The following FANK1 variants were observed in gnomAD, a reference collection of about 807,000 sequenced individuals.
FANK1 encodes the protein fibronectin type 3 and ankyrin repeat domains protein 1.
In FANK1, 44 loss-of-function variants were observed where a neutral mutation model predicts 45.3. The ratio of observed to expected loss-of-function variants is 0.97; its 90% CI spans 0.76 to 1.25. The LOEUF is 1.25. Ranked by LOEUF, FANK1 falls within the 50% of genes most tolerant of loss-of-function variation. The pLI, the probability that FANK1 is intolerant of heterozygous loss-of-function variation, is 0.00. For missense variants in FANK1, 391 were observed against 424.4 expected (o/e 0.92, Z 0.69); for synonymous variants, 149 against 152.5 (o/e 0.98, Z 0.17).
chr10:125,959,979 C>G (rs1949818657), intron 1 of FANK1, among the ~76,000 whole-genome samples: 1 of 152,120 alleles, frequency 6.6e-6, no homozygotes, highest in Admixed American at 6.5e-5. Flanking sequence ...AAAACCCATA[C>G]TGTTATTATT....
intron 6 of FANK1, among the ~76,000 whole-genome samples, chr10:126,002,267 G>A (rs1952822760): frequency 6.6e-6 from 1 of 152,110 alleles, no homozygotes; most frequent in African/African-American, 2.4e-5. Flanking sequence ...AGCCAAGATT[G>A]TGCCAGTGCA....
intron 6 of FANK1, among the ~76,000 whole-genome samples, chr10:126,003,400 TA>T (rs950677283): frequency 1.1e-4 from 16 of 151,496 alleles, no homozygotes; most frequent in Admixed American, 3.9e-4. Flanking sequence ...TTTTAAGAAT[TA>T]AAAAAAAATT....
intron 1 of FANK1, among the ~76,000 whole-genome samples, chr10:125,950,908 C>G (rs972229555): frequency 6.6e-6 from 1 of 150,794 alleles, no homozygotes; most frequent in Non-Finnish European, 1.5e-5. Context: ...GAATACTATG[C>G]AGCCATAAAA....
chr10:125,907,906 T>C lies in FANK1; in HGVS notation c.13+11251T>C, dbSNP rs185621419. Among the ~76,000 whole-genome samples, 581 of 152,232 alleles carry C rather than the reference T, an allele frequency of 3.8e-3. 5 individuals are homozygous for C. The highest frequency in any genetic ancestry group is 0.017 in the Middle Eastern group (5 of 290). On this transcript the variant is annotated intron_variant, in intron 1 of 10. Coordinates refer to ENST00000368693, the MANE Select transcript of FANK1 (RefSeq NM_145235.5). The stretch of plus-strand genomic sequence containing the variant: ...CTCAGCTGACACCTTGCCTGCAACC[T>C]TGTGAGAGCCTATGCAGTGAACCCA...
intron 1 of FANK1, among the ~76,000 whole-genome samples, chr10:125,898,015 A>AG (rs1944709768): frequency 7.5e-6 from 1 of 133,708 alleles, no homozygotes; most frequent in Non-Finnish European, 1.6e-5. Context: ...AAAAAAAAAA[A>AG]AAAAAAAAAA....
chr10:126,005,264 C>T (rs1953096576), intron 7 of FANK1, among the ~76,000 whole-genome samples: 1 of 151,146 alleles, frequency 6.6e-6, no homozygotes, highest in South Asian at 2.1e-4. Context: ...GGAAAAGAAA[C>T]AGGTCTGAAT....
chr10:125,953,051 A>G (rs768300455), intron 1 of FANK1, among the ~76,000 whole-genome samples: 11 of 152,192 alleles, frequency 7.2e-5, no homozygotes, highest in Non-Finnish European at 1.5e-4. Context: ...TTGCATGTGC[A>G]TTGGAATGAC....
intron 1 of FANK1, among the ~76,000 whole-genome samples, chr10:125,936,822 C>T (rs1948130916): frequency 6.6e-6 from 1 of 152,080 alleles, no homozygotes; most frequent in African/African-American, 2.4e-5. Flanking sequence ...AATCCGAGCA[C>T]TTAGGGAGGC....
intron 1 of FANK1, among the ~76,000 whole-genome samples, chr10:125,967,214 T>C (rs1950241779): frequency 6.6e-6 from 1 of 152,224 alleles, no homozygotes. Context: ...CATAGGGCAG[T>C]AGTAGATAGC....
chr10:126,008,807 C>T (rs1229476052), intron 8 of FANK1, among the ~76,000 whole-genome samples: 1 of 152,186 alleles, frequency 6.6e-6, no homozygotes, highest in Middle Eastern at 3.2e-3. Context: ...ACTGGTGAAA[C>T]AAAGAACAAG....
At chr10:125,927,898 T>C (rs568216611) in intron 1 of FANK1, among the ~76,000 whole-genome samples, 1 of 152,312 alleles carries the variant, frequency 6.6e-6, no homozygotes, top group Admixed American at 6.5e-5. Flanking sequence ...TTTAATTTGA[T>C]CTGTATCTGG....
intron 3 of FANK1, among the ~76,000 whole-genome samples, chr10:125,991,638 C>CT (rs34434882): frequency 3.3e-5 from 5 of 152,148 alleles, no homozygotes; most frequent in African/African-American, 4.8e-5. Context: ...AATGAACAGC[C>CT]TTTTTTTTCC....
chr10:125,963,873 C>T (rs999636254), intron 1 of FANK1, among the ~76,000 whole-genome samples: 3 of 151,696 alleles, frequency 2.0e-5, no homozygotes, highest in Non-Finnish European at 4.4e-5. Flanking sequence ...ACACATGTAC[C>T]CTAGAACTTA....
In FANK1 at chr10:125,995,456, G is replaced by T; in HGVS notation, c.356G>T (p.Ser119Ile). ...AGTGAGCACTTGCACCGGGCTGTCA[G>T]TGTGAATGATGAAGATTTGCTGGTC... ...ISSEHLHRAV[S>I]VNDEDLLVRI... Residue 119 changes from serine (S) to isoleucine (I), a missense_variant, in exon 4 of 11, where the codon AGT becomes ATT. Physicochemically the swap from Ser to Ile is moderately radical, Grantham distance 142. Coordinates refer to ENST00000368693, the MANE Select transcript of FANK1 (RefSeq NM_145235.5). 6.2e-7 allele frequency: 1 copy of T among 1,614,210 alleles called. No individual in the cohort carries two copies. The highest frequency in any genetic ancestry group is 8.5e-7 in the Non-Finnish European group (1 of 1,180,040).
chr10:125,982,036 A>G (rs1378798005), intron 2 of FANK1, among the ~76,000 whole-genome samples: 1 of 152,252 alleles, frequency 6.6e-6, no homozygotes, highest in Non-Finnish European at 1.5e-5. Context: ...CAATGTAAAA[A>G]TAGTTCTTGT....
intron 3 of FANK1, chr10:125,989,198 T>C: frequency 1.5e-6 from 2 of 1,295,230 alleles, no homozygotes; most frequent in Non-Finnish European, 2.1e-6. Context: ...TGGAGACCTC[T>C]GAGCCCTTCA....
At position 125,932,311 on chromosome 10, in the gene FANK1, T is replaced by C. The variant is rs558779115; in HGVS notation, c.13+35656T>C. ...TTTGGCAGTATCATCATTTTCACAA[T>C]ATTGATCGTACCCATCCATGAGCAT... On this transcript the variant is annotated intron_variant, in intron 1 of 10. Transcript: ENST00000368693. Among the ~76,000 whole-genome samples the C allele has an allele frequency of 3.3e-5, 5 of 152,350 alleles. No homozygotes were observed. In the South Asian group the frequency reaches 8.3e-4, roughly 25 times the overall value.
chr10:125,972,622 C>A (rs1950587850), intron 1 of FANK1: 4 of 152,056 alleles, frequency 2.6e-5, no homozygotes, highest in Admixed American at 2.6e-4. Flanking sequence ...TCCTATCTGG[C>A]AATAATAGCT....
chr10:126,005,102 T>C (rs1953084759), intron 7 of FANK1, 53 bp downstream of exon 7: 2 of 1,567,822 alleles, frequency 1.3e-6, no homozygotes, highest in African/African-American at 2.7e-5. Context: ...TCTGAAATGC[T>C]GCTCCATGGG....
Sources: allele counts gnomAD v4.1 joint callset (sites outside exome capture counted in the v4.1 genomes callset), GRCh38; gene constraint gnomAD v4.1.1; transcripts MANE v1.5; gene names NCBI Gene and HGNC (gene_info 2026-07-23, HGNC 2026-07-21).